Variants in CCDC102B observed in about 807,000 individuals in gnomAD.
The protein encoded by CCDC102B is coiled-coil domain containing 102B.
A neutral mutation model predicts 57.4 loss-of-function variants in CCDC102B; 75 were observed. The ratio of observed to expected loss-of-function variants is 1.31; its 90% confidence interval spans 1.08 to 1.58. CCDC102B has a LOEUF of 1.58. Among genes scored for constraint, CCDC102B ranks in the 40% most tolerant of loss-of-function variants. The pLI is 0.00. For synonymous variants in CCDC102B, 206 were observed against 201.9 expected (o/e 1.02, Z -0.17); for missense variants, 636 against 582.6 (o/e 1.09, Z -0.94).
At chr18:68,775,642 A>G (rs1057235839) in intron 2 of CCDC102B, among the ~76,000 whole-genome samples, 1 of 145,192 alleles carries the variant, frequency 6.9e-6, no homozygotes, top group Non-Finnish European at 1.5e-5. Context: ...GTAGGCATCG[A>G]TAACTCCTGG....
At chr18:69,050,356 CTCTT>C (rs1242379314) in intron 7 of CCDC102B, among the ~76,000 whole-genome samples, 1 of 152,146 alleles carries the variant, frequency 6.6e-6, no homozygotes, top group Admixed American at 6.6e-5. Context: ...TTAAGTGTTG[CTCTT>C]TCTATTTTTG....
At chr18:68,764,789 A>C (rs1345752332) in intron 2 of CCDC102B, among the ~76,000 whole-genome samples, 1 of 152,040 alleles carries the variant, frequency 6.6e-6, no homozygotes, top group Non-Finnish European at 1.5e-5. Context: ...TAATAAGAAA[A>C]TAATGGGAGA....
intron 1 of CCDC102B, among the ~76,000 whole-genome samples, chr18:68,804,522 C>T (rs563359219): frequency 6.6e-6 from 1 of 152,108 alleles, no homozygotes; most frequent in Non-Finnish European, 1.5e-5. Context: ...GGAGCGCTTG[C>T]AGTCAGAGGT....
intron 4 of CCDC102B, among the ~76,000 whole-genome samples, chr18:68,859,825 G>A (rs1337602542): frequency 1.5e-5 from 1 of 66,002 alleles, no homozygotes; most frequent in African/African-American, 4.1e-5. Flanking sequence ...AGGATGTGGA[G>A]AAATAGGAAC....
chr18:68,933,456 C>T (rs1187778406), intron 6 of CCDC102B, among the ~76,000 whole-genome samples: 1 of 151,856 alleles, frequency 6.6e-6, no homozygotes, highest in Non-Finnish European at 1.5e-5. Flanking sequence ...CTCCATCAAA[C>T]ATTTCCATGC....
intron 1 of CCDC102B, among the ~76,000 whole-genome samples, chr18:68,802,492 C>T (rs2144687278): frequency 6.6e-6 from 1 of 152,202 alleles, no homozygotes; most frequent in Non-Finnish European, 1.5e-5. Flanking sequence ...TTTTTGGTAT[C>T]AGGACTAAAT....
At chr18:68,917,277 G>A (rs925852223) in intron 6 of CCDC102B, among the ~76,000 whole-genome samples, 14 of 152,080 alleles carry the variant, frequency 9.2e-5, no homozygotes, top group African/African-American at 3.1e-4. Context: ...GGGGCTCCCC[G>A]GTCTGTGTTG....
chr18:68,926,255 C>T (rs1258443970), intron 6 of CCDC102B, among the ~76,000 whole-genome samples: 1 of 151,772 alleles, frequency 6.6e-6, no homozygotes, highest in Non-Finnish European at 1.5e-5. Context: ...CTATCTGTAA[C>T]TAAGATTTAA....
intron 6 of CCDC102B, chr18:68,902,320 G>A (rs376833551): frequency 6.6e-6 from 1 of 152,098 alleles, no homozygotes; most frequent in Non-Finnish European, 1.5e-5. Context: ...AGATGATCAA[G>A]CTCATGTTCC....
At position 68,845,937 on chromosome 18, in the gene CCDC102B, G is replaced by A. The variant is rs117697963; in HGVS notation, c.828-376G>A. Among the ~76,000 whole-genome samples the A allele has an allele frequency of 8.4e-3, 1,279 of 151,612 alleles. 15 individuals are homozygous for A. The highest frequency in any genetic ancestry group is 0.035 in the East Asian group (181 of 5,166). On this transcript the variant is annotated intron_variant, in intron 3 of 7. Transcript: ENST00000360242. ...AATGATTTTTTTCATTCACATAATA[G>A]CCACAATATGAAGATGGATAGAATT... is the stretch of plus-strand genomic sequence containing the variant.
At chr18:68,793,183 A>C (rs139487550), upstream of CCDC102B, among the ~76,000 whole-genome samples, 266 of 152,340 alleles carry the variant, frequency 1.7e-3, 3 homozygotes, top group East Asian at 0.039. Context: ...ATTTCAATCA[A>C]AACCAAAATT....
intron 6 of CCDC102B, among the ~76,000 whole-genome samples, chr18:68,960,968 A>G (rs970552714): frequency 6.6e-6 from 1 of 152,188 alleles, no homozygotes; most frequent in African/African-American, 2.4e-5. Context: ...TTACCAATCC[A>G]TTATATACAG....
chr18:68,788,990 G>A (rs1195710027), intron 2 of CCDC102B, among the ~76,000 whole-genome samples: 1 of 152,144 alleles, frequency 6.6e-6, no homozygotes, highest in Admixed American at 6.6e-5. Context: ...TCCATGTTTA[G>A]TGCTTCCTTC....
At chr18:69,008,271 T>A (rs1054824468) in intron 6 of CCDC102B, among the ~76,000 whole-genome samples, 1 of 152,142 alleles carries the variant, frequency 6.6e-6, no homozygotes, top group African/African-American at 2.4e-5. Context: ...AGAGAAGAAA[T>A]GAGAAATCTG....
At chr18:68,816,718 C>T (rs569717220) in intron 1 of CCDC102B, among the ~76,000 whole-genome samples, 1 of 152,106 alleles carries the variant, frequency 6.6e-6, no homozygotes, top group African/African-American at 2.4e-5. Flanking sequence ...CCCGCCTCGG[C>T]GTCTCAAAGT....
chr18:68,807,410 GA>G, intron 1 of CCDC102B, among the ~76,000 whole-genome samples: 1 of 151,880 alleles, frequency 6.6e-6, no homozygotes, highest in East Asian at 1.9e-4. Context: ...AGATATTTAA[GA>G]AAAACAAGGA....
intron 2 of CCDC102B, among the ~76,000 whole-genome samples, chr18:68,723,654 T>G (rs2032459925): frequency 6.6e-6 from 1 of 152,226 alleles, no homozygotes; most frequent in African/African-American, 2.4e-5. Context: ...ATGTCTTACA[T>G]CCAGGGCACA....
chr18:68,882,729 A>T (rs2039736613), intron 5 of CCDC102B, among the ~76,000 whole-genome samples: 1 of 152,180 alleles, frequency 6.6e-6, no homozygotes, highest in African/African-American at 2.4e-5. Flanking sequence ...AGGAGGATTA[A>T]TTTTTTACAT....
At chr18:68,971,343 A>G (rs1487214902) in intron 6 of CCDC102B, among the ~76,000 whole-genome samples, 2 of 152,068 alleles carry the variant, frequency 1.3e-5, no homozygotes, top group African/African-American at 4.8e-5. Flanking sequence ...ACTTTTTACA[A>G]TTTCCCTCTT....
Sources: gnomAD v4.1 joint callset for allele counts (sites outside exome capture counted in the v4.1 genomes callset) on GRCh38, gnomAD v4.1.1 for gene constraint, MANE v1.5 for transcripts, NCBI Gene and HGNC (gene_info 2026-07-23, HGNC 2026-07-21) for gene names.